The following SNX31 variants were observed in gnomAD, a reference collection of about 807,000 sequenced individuals.
SNX31 encodes sorting nexin-31.
In SNX31, 58 loss-of-function variants were observed where a neutral mutation model predicts 65.4. The observed-to-expected ratio is 0.89, with a 90% CI of 0.72 to 1.10. The LOEUF (loss-of-function observed/expected upper bound fraction) is 1.10. Among genes scored for constraint, SNX31 ranks in the 50% least tolerant of loss-of-function variants. The pLI, the probability that SNX31 is intolerant of heterozygous loss-of-function variation, is 0.00. For synonymous variants in SNX31, 181 were observed against 190.1 expected (o/e 0.95, Z 0.39); for missense variants, 523 against 529.7 (o/e 0.99, Z 0.12).
chr8:100,589,678 T>C (rs990487046), intron 10 of SNX31, among the ~76,000 whole-genome samples: 18 of 152,226 alleles, frequency 1.2e-4, no homozygotes, highest in Admixed American at 5.9e-4. Context: ...CAAGGGACTG[T>C]GCATGTGGCT....
At chr8:100,650,483 G>T (rs1243502028), upstream of SNX31, among the ~76,000 whole-genome samples, 1 of 152,194 alleles carries the variant, frequency 6.6e-6, no homozygotes, top group Non-Finnish European at 1.5e-5. Context: ...TTTACTGCAG[G>T]ATTTCATCAG....
Position 100,573,723 on chromosome 8 carries a change from T to A in SNX31, c.*142A>T. ...AGAGTGCTGTGGTATAATACCTTGA[T>A]GAATACAGTCCATGTTAATGCCAAA... On this transcript the variant is annotated 3_prime_UTR_variant, in exon 14 of 14. Coordinates refer to ENST00000311812, the MANE Select transcript of SNX31 (RefSeq NM_152628.4). 2.1e-6 allele frequency: 1 copy of A among 483,260 alleles called. No individual in the cohort carries two copies. The highest frequency in any genetic ancestry group is 3.7e-6 in the Non-Finnish European group (1 of 273,696). 29.9% of individuals were successfully genotyped at this position (483,260 alleles called of 1,614,324 possible).
At chr8:100,595,312 T>G (rs1814974430) in intron 10 of SNX31, among the ~76,000 whole-genome samples, 1 of 140,756 alleles carries the variant, frequency 7.1e-6, no homozygotes, top group African/African-American at 3.1e-5. Flanking sequence ...AGGGAATTTG[T>G]TGTTTTTTTT....
rs1486075313 is a variant in SNX31, at chr8:100,603,886, T to C, written c.682-3445A>G. Among the ~76,000 whole-genome samples the C allele has an allele frequency of 5.3e-5, 8 of 152,052 alleles. No homozygotes were observed. In the South Asian group the frequency reaches 1.7e-3, roughly 32 times the overall value. On this transcript the variant is annotated intron_variant, in intron 8 of 13. Transcript: ENST00000311812. ...CCGAGTAGCTGGGACTACAGGCATG[T>C]GCCACCACACCTGGCTAATTTTTGT...
Position 100,656,640 on chromosome 8 carries a change from C to CAAAAAAAA in SNX31, c.-58+6494_-58+6501dup, listed in dbSNP as rs34052612. ...TGGGCAACAGAGTGAGACTCTGTCT[C>CAAAAAAAA]AAAAAAAAAAAAAAAAAAAAAAAAA... On this transcript the variant is annotated intron_variant, in intron 1 of 5. Coordinates refer to the SNX31 transcript ENST00000520352. 6.1e-4 allele frequency among the ~76,000 whole-genome samples: 27 copies of CAAAAAAAA among 44,608 alleles called. 1 individual carries two copies. The highest frequency in any genetic ancestry group is 8.1e-4 in the Non-Finnish European group (20 of 24,782). 29.3% of individuals were successfully genotyped at this position (44,608 alleles called of 152,430 possible).
chr8:100,603,217 C>T (rs1815811874), intron 8 of SNX31, among the ~76,000 whole-genome samples: 2 of 152,126 alleles, frequency 1.3e-5, no homozygotes, highest in South Asian at 4.1e-4. Flanking sequence ...TGAAACGCTG[C>T]CTTCTTTCCT....
At chr8:100,611,382 C>G (rs1218257320) in intron 7 of SNX31, among the ~76,000 whole-genome samples, 2 of 152,132 alleles carry the variant, frequency 1.3e-5, no homozygotes, top group East Asian at 3.8e-4. Context: ...GTTTTCAAGT[C>G]TTACTTTCTT....
intron 2 of SNX31, among the ~76,000 whole-genome samples, chr8:100,640,463 G>A (rs1819088682): frequency 6.6e-6 from 1 of 151,272 alleles, no homozygotes; most frequent in African/African-American, 2.4e-5. Context: ...TCAAAAAGGG[G>A]GAGCATAAAT....
chr8:100,641,565 A>AAAAAAAAATATATAT (rs1554587369), intron 2 of SNX31, among the ~76,000 whole-genome samples: 1 of 32,108 alleles, frequency 3.1e-5, no homozygotes, highest in Non-Finnish European at 5.3e-5. Context: ...AAAAAAAAAA[A>AAAAAAAAATATATAT]ATATATATAT....
intron 10 of SNX31, among the ~76,000 whole-genome samples, chr8:100,593,578 C>G (rs929813303): frequency 6.6e-6 from 1 of 152,118 alleles, no homozygotes; most frequent in East Asian, 1.9e-4. Flanking sequence ...CTCAGCCTCC[C>G]AAGTAGCTGG....
At position 100,612,874 on chromosome 8, in the gene SNX31, G is replaced by A. The variant is rs1816836345; in HGVS notation, c.523+121C>T. 1.2e-6 allele frequency: 1 copy of A among 832,750 alleles called. No homozygotes were observed. The highest frequency in any genetic ancestry group is 1.4e-5 in the South Asian group (1 of 69,332). 51.6% of individuals were successfully genotyped at this position (832,750 alleles called of 1,614,324 possible). On this transcript the variant is annotated intron_variant, in intron 6 of 13. Coordinates refer to ENST00000311812, the MANE Select transcript of SNX31 (RefSeq NM_152628.4). This position sits in a 1 kb window ranked among gnomAD's most constrained non-coding sequence, Gnocchi z 4.3. The stretch of plus-strand genomic sequence containing the variant: ...CCTAAACCCTTAACCCAGTGACTGA[G>A]AACAGTGGTAGGGATCACAGCCCAG...
chr8:100,627,809 T>A (rs1407049241), intron 4 of SNX31, among the ~76,000 whole-genome samples: 1 of 152,108 alleles, frequency 6.6e-6, no homozygotes, highest in African/African-American at 2.4e-5. Flanking sequence ...AGTGCTGGGA[T>A]TACAGACGTG....
At position 100,578,879 on chromosome 8, in the gene SNX31, GC is replaced by G. The variant is rs925991495; in HGVS notation, c.1171-1805del. ...TAGGAATACAGGTACGCGCCACCAT[GC>G]CCATCTAATTTTTGTATTTTTGGTA... is the stretch of plus-strand genomic sequence containing the variant. On this transcript the variant is annotated intron_variant, in intron 12 of 13. Coordinates refer to ENST00000311812, the MANE Select transcript of SNX31 (RefSeq NM_152628.4). This position sits in a 1 kb window ranked among gnomAD's most constrained non-coding sequence, Gnocchi z 4.7. Among the ~76,000 whole-genome samples, 1 of 151,906 alleles carries G rather than the reference GC, an allele frequency of 6.6e-6. No homozygotes were observed. Among genetic ancestry groups the G allele is most frequent in the African/African-American group, 2.4e-5 (1 of 41,352 alleles).
chr8:100,604,662 T>C lies in SNX31; in HGVS notation c.681+3832A>G, dbSNP rs1323375122. ...CCCAGAATTGACTGAGCCTTCAAAA[T>C]GTATACTTACTTATAGTTTTAAATG... On this transcript the variant is annotated intron_variant, in intron 8 of 13. Coordinates refer to ENST00000311812, the MANE Select transcript of SNX31 (RefSeq NM_152628.4). This position sits in a 1 kb window ranked among gnomAD's most constrained non-coding sequence, Gnocchi z 4.3. Among the ~76,000 whole-genome samples the C allele has an allele frequency of 2.0e-5, 3 of 152,246 alleles. No individual in the cohort carries two copies. The highest frequency in any genetic ancestry group is 7.2e-5 in the African/African-American group (3 of 41,456).
Position 100,649,458 on chromosome 8 carries a change from G to GC in SNX31, c.56dup (p.Arg20ProfsTer54), listed in dbSNP as rs752827726. On this transcript the variant is annotated frameshift_variant, in exon 1 of 14. Transcript: ENST00000311812. LOFTEE classifies it high-confidence loss of function. ...CCAGCCCTGGGCGCACCACGTAGCG[G>GC]CCCCCCAGCGCGTCGGACCGCTGCT... 4 of 1,587,622 alleles carry GC rather than the reference G, an allele frequency of 2.5e-6. No individual in the cohort carries two copies. Among genetic ancestry groups the GC allele is most frequent in the South Asian group, 2.3e-5 (2 of 87,278 alleles).
intron 10 of SNX31, among the ~76,000 whole-genome samples, chr8:100,592,096 CA>C (rs1246086588): frequency 2.0e-5 from 3 of 152,020 alleles, no homozygotes; most frequent in African/African-American, 7.2e-5. Flanking sequence ...AAGTATCAAT[CA>C]GTAGAATTAG....
chr8:100,635,053 A>G (rs1818665167), intron 3 of SNX31, among the ~76,000 whole-genome samples: 1 of 152,042 alleles, frequency 6.6e-6, no homozygotes, highest in Admixed American at 6.5e-5. Flanking sequence ...CAACAGGGAA[A>G]GATCCTGTCT....
At chr8:100,587,931 A>G (rs1814200917) in intron 11 of SNX31, among the ~76,000 whole-genome samples, 1 of 152,206 alleles carries the variant, frequency 6.6e-6, no homozygotes, top group South Asian at 2.1e-4. Flanking sequence ...GAGTGTAGTT[A>G]CACAAACCTA....
intron 3 of SNX31, among the ~76,000 whole-genome samples, chr8:100,631,422 T>G (rs746159991): frequency 1.3e-4 from 20 of 150,530 alleles, no homozygotes; most frequent in Non-Finnish European, 2.5e-4. Context: ...TCCTTCTGTT[T>G]TCATTGCTGT....
Sources: gnomAD v4.1 joint callset for allele counts (sites outside exome capture counted in the v4.1 genomes callset) on GRCh38, gnomAD v4.1.1 for gene constraint, Gnocchi (gnomAD v3.1) non-coding constraint, MANE v1.5 for transcripts, NCBI Gene and HGNC (gene_info 2026-07-23, HGNC 2026-07-21) for gene names.